The following SGO1 variants were observed in gnomAD, a reference collection of about 807,000 sequenced individuals.
SGO1 encodes serologically defined breast cancer antigen NY-BR-85.
In SGO1, 39 loss-of-function variants were observed where a neutral mutation model predicts 50.5. The observed-to-expected ratio is 0.77, with a 90% CI of 0.60 to 1.01. The LOEUF (loss-of-function observed/expected upper bound fraction) is 1.01. SGO1 is among the 50% of genes least tolerant of loss of function. SGO1 has a pLI of 0.00. For missense variants in SGO1, 638 were observed against 606.0 expected, an observed-to-expected ratio of 1.05 and a Z score of -0.55; for synonymous variants, 191 against 205.1, an observed-to-expected ratio of 0.93 and a Z score of 0.59.
chr3:20,180,818 A>G (rs1419926449), intron 3 of SGO1, among the ~76,000 whole-genome samples: 1 of 152,276 alleles, frequency 6.6e-6, no homozygotes, highest in East Asian at 1.9e-4. Context: ...CAAAACAACT[A>G]GAAATTTAAT....
At chr3:20,172,869 G>A (rs1196634390) in intron 6 of SGO1, among the ~76,000 whole-genome samples, 1 of 151,852 alleles carries the variant, frequency 6.6e-6, no homozygotes, top group South Asian at 2.1e-4. Context: ...GGGAGGCTGA[G>A]GTGGAAGAAT....
At position 20,170,709 on chromosome 3, in the gene SGO1, G is replaced by A; in HGVS notation, c.1579C>T (p.Gln527Ter). ...AACAATATCCAACAAAACCTTCATT[G>A]TATTTGTTTCATACTTTTTTTAGAA... ...RRSKKSMKQI[Q>*] Residue 527 changes from glutamine (Q) to a stop codon, truncating the protein, a stop_gained, in exon 8 of 8, where the codon CAA becomes TAA. Coordinates refer to ENST00000412997, the MANE Select transcript of SGO1 (RefSeq NM_001199251.3). LOFTEE classifies it high-confidence loss of function. 1 of 1,580,970 alleles carries A rather than the reference G, an allele frequency of 6.3e-7. No individual in the cohort carries two copies. The highest frequency in any genetic ancestry group is 8.5e-7 in the Non-Finnish European group (1 of 1,171,690).
At chr3:20,171,627 G>C (rs764621956) in intron 6 of SGO1, among the ~76,000 whole-genome samples, 8 of 152,104 alleles carry the variant, frequency 5.3e-5, no homozygotes, top group Non-Finnish European at 1.2e-4. Flanking sequence ...AGGATAGCTT[G>C]GGCATAATAA....
chr3:20,171,345 A>G, intron 6 of SGO1, 113 bp from the exon 7 acceptor site: 8 of 927,394 alleles, frequency 8.6e-6, no homozygotes, highest in Non-Finnish European at 1.2e-5. Context: ...ATTTAATAAT[A>G]GAATTTTTTT....
At chr3:20,185,874 C>A (rs549924443) in intron 1 of SGO1, 74 bp downstream of exon 1, 1 of 152,286 alleles carries the variant, frequency 6.6e-6, no homozygotes, top group African/African-American at 2.4e-5. Flanking sequence ...CCCGAGCTTT[C>A]GGCCACCGAA....
rs763764499 is a variant in SGO1 at position 20,174,567 on chromosome 3, G to T, written c.964C>A (p.Gln322Lys). Residue 322 changes from glutamine (Q) to lysine (K), a missense_variant, in exon 6 of 8, where the codon CAA becomes AAA. Transcript: ENST00000412997. ...CTGACAGATTTGTGCATTTTTTTTT[G>T]GGGAACAGTTTTTTTATTTTCGCTT... ...NKSENKKTVP[Q>K]KKMHKSVSSN... is the part of the protein sequence containing the mutation. The T allele has an allele frequency of 1.9e-6, 3 of 1,602,752 alleles. No individual in the cohort carries two copies. The highest frequency in any genetic ancestry group is 2.3e-5 in the South Asian group (2 of 87,638).
intron 6 of SGO1, among the ~76,000 whole-genome samples, chr3:20,173,349 A>G (rs754277503): frequency 1.6e-4 from 24 of 152,212 alleles, no homozygotes; most frequent in Non-Finnish European, 2.9e-4. Flanking sequence ...CATGTTGGCC[A>G]GGCTGGTCTT....
downstream of SGO1, among the ~76,000 whole-genome samples, chr3:20,165,270 G>C (rs1700236272): frequency 6.6e-6 from 1 of 152,070 alleles, no homozygotes; most frequent in Admixed American, 6.5e-5. Flanking sequence ...AAATGAGTGA[G>C]AGCTTACTTA....
intron 3 of SGO1, among the ~76,000 whole-genome samples, chr3:20,182,432 G>A (rs867060554): frequency 1.3e-5 from 2 of 151,658 alleles, no homozygotes; most frequent in Admixed American, 6.6e-5. Context: ...CTGGCATAGC[G>A]AAGCAATGGC....
intron 6 of SGO1, among the ~76,000 whole-genome samples, chr3:20,173,312 G>A (rs1366857453): frequency 6.6e-6 from 1 of 151,818 alleles, no homozygotes; most frequent in Non-Finnish European, 1.5e-5. Context: ...TCATTTTTTT[G>A]TATTTTTAGT....
At chr3:20,166,301 C>G (rs1700298241), downstream of SGO1, among the ~76,000 whole-genome samples, 2 of 152,090 alleles carry the variant, frequency 1.3e-5, no homozygotes, top group South Asian at 4.1e-4. Context: ...AAAAAACAAC[C>G]TATTGGATTT....
rs772134228 is a variant in SGO1, at chr3:20,174,433, C to T, written c.1098G>A (p.Val366=). Reference sequence around the variant, plus strand: ...CTGAACCACTTGATTCACAGAGGCTCACTTCAGACTCGTTGTTTTCTTCTC... The same window carrying T: ...CTGAACCACTTGATTCACAGAGGCTTACTTCAGACTCGTTGTTTTCTTCTC... ...SNREENNESE[V]SLCESSGSGD... is the part of the protein sequence containing the mutation. The change falls in exon 6 of 8, where the codon GTG becomes GTA. Residue 366 remains valine (V), a synonymous_variant. Transcript: ENST00000412997. 4 of 1,614,142 alleles carry T rather than the reference C, an allele frequency of 2.5e-6. No individual in the cohort carries two copies. In the East Asian group the frequency reaches 6.7e-5, roughly 27 times the overall value.
At chr3:20,175,794 TCAAAAA>T (rs1701320745) in intron 5 of SGO1, among the ~76,000 whole-genome samples, 1 of 110,824 alleles carries the variant, frequency 9.0e-6, no homozygotes, top group African/African-American at 3.6e-5. Context: ...AGCAAGACTG[TCAAAAA>T]AAAAAAAAAT....
chr3:20,177,840 T>C (rs1030316789), intron 4 of SGO1, among the ~76,000 whole-genome samples: 1 of 152,186 alleles, frequency 6.6e-6, no homozygotes, highest in Non-Finnish European at 1.5e-5. Flanking sequence ...ATGAACTGGA[T>C]CAGCGAGACA....
chr3:20,162,320 TAGACCTTGTTGAATAAATG>T (rs1700079256), intron 8 of SGO1, among the ~76,000 whole-genome samples: 1 of 152,180 alleles, frequency 6.6e-6, no homozygotes, highest in Admixed American at 6.6e-5. Context: ...CCAGAATGGA[TAGACCTTGTTGAATAAATG>T]AGACATTCAG....
Position 20,183,677 on chromosome 3 carries a change from G to C in SGO1, c.270C>G (p.Tyr90Ter). Residue 90 changes from tyrosine to a stop codon, truncating the protein, a stop_gained, in exon 3 of 8, where the codon TAC becomes TAG. Coordinates refer to ENST00000412997, the MANE Select transcript of SGO1 (RefSeq NM_001199251.3). LOFTEE classifies it high-confidence loss of function. The part of the protein sequence containing the change: ...DIILQLRKEC[Y>*]YLTCQLYALK... ...ATGCATATAGCTGACATGTGAGATA[G>C]TAACATTCTTTTCTCAGCTGTAGGA... The C allele has an allele frequency of 6.2e-7, 1 of 1,612,114 alleles. No individual in the cohort carries two copies. Among genetic ancestry groups the C allele is most frequent in the Non-Finnish European group, 8.5e-7 (1 of 1,179,480 alleles).
Position 20,170,780 on chromosome 3 carries a change from C to T in SGO1, c.1508G>A (p.Cys503Tyr). The change falls in exon 8 of 8, where the codon TGT becomes TAT. Residue 503 changes from cysteine to tyrosine, a missense_variant. Transcript: ENST00000412997. ...LRRGDPFTDL[C>Y]FLNSPIFKQK... ...CTTGAAAATAGGAGAATTCAAAAAA[C>T]ACAAATCTGTAAAAGGGTCCCCTCT... The T allele has an allele frequency of 1.3e-6, 2 of 1,595,886 alleles. No individual in the cohort carries two copies. Among genetic ancestry groups the T allele is most frequent in the Non-Finnish European group, 1.7e-6 (2 of 1,175,802 alleles).
At chr3:20,163,738 G>C (rs1700158159) in intron 8 of SGO1, among the ~76,000 whole-genome samples, 1 of 152,098 alleles carries the variant, frequency 6.6e-6, no homozygotes, top group Non-Finnish European at 1.5e-5. Context: ...CGGGAAAAAG[G>C]TTATCAATAT....
chr3:20,171,211 T>C lies in SGO1; in HGVS notation c.1304A>G (p.Gln435Arg), dbSNP rs1700705141. The C allele has an allele frequency of 6.3e-7, 1 of 1,594,294 alleles. No homozygotes were observed. The highest frequency in any genetic ancestry group is 8.5e-7 in the Non-Finnish European group (1 of 1,173,944). The change falls in exon 7 of 8, where the codon CAG becomes CGG. Residue 435 changes from glutamine (Q) to arginine (R), a missense_variant. By Grantham distance (43) the Gln-to-Arg change is conservative (BLOSUM62 1). Transcript: ENST00000412997. Reference protein sequence around the residue: ...TPTTTPPETQQSPHLSLKDIT... With the variant: ...TPTTTPPETQRSPHLSLKDIT... ...ATCCTTCAGGCTAAGATGAGGTGAC[T>C]GCTGAGTTTCAGGTGGTGTAGCTAC...
Sources: allele counts gnomAD v4.1 joint callset (sites outside exome capture counted in the v4.1 genomes callset), GRCh38; gene constraint gnomAD v4.1.1; transcripts MANE v1.5; gene names NCBI Gene and HGNC (gene_info 2026-07-23, HGNC 2026-07-21).